The following TM9SF2 variants were observed in gnomAD, a reference collection of about 807,000 sequenced individuals.
The protein encoded by TM9SF2 is transmembrane 9 superfamily member 2.
In TM9SF2, 13 loss-of-function variants were observed where a neutral mutation model predicts 84.9. The observed-to-expected ratio is 0.15, with a 90% CI of 0.10 to 0.24. The LOEUF (loss-of-function observed/expected upper bound fraction) is 0.24. Ranked by LOEUF, TM9SF2 falls within the 10% of genes least tolerant of loss-of-function variation. The probability of loss-of-function intolerance (pLI) is 1.00; values close to 1 mark genes in which losing one functional copy is unlikely to be tolerated. For synonymous variants in TM9SF2, 273 were observed against 285.8 expected (o/e 0.96, Z 0.45); for missense variants, 562 against 818.5 (o/e 0.69, Z 3.82).
chr13:99,538,792 A>G (rs1164133729), intron 6 of TM9SF2, among the ~76,000 whole-genome samples: 1 of 151,836 alleles, frequency 6.6e-6, no homozygotes, highest in Non-Finnish European at 1.5e-5. Flanking sequence ...CCGTGCCTGT[A>G]GGAGGCTGAA....
chr13:99,541,622 G>A lies in TM9SF2; in HGVS notation c.972G>A (p.Arg324=), dbSNP rs763243227. The part of the protein sequence containing the change: ...LSGMVAMIML[R]TLHKDIARYN... ...GAATGGTAGCTATGATTATGTTACG[G>A]ACACTGCACAAAGATATTGCTAGAT... is the stretch of plus-strand genomic sequence containing the variant. Residue 324 remains arginine (R), a synonymous_variant, in exon 9 of 17, where the codon CGG becomes CGA. Transcript: ENST00000376387. 4 of 1,613,274 alleles carry A rather than the reference G, an allele frequency of 2.5e-6. No individual in the cohort carries two copies. The South Asian group carries it at 3.3e-5, about 13-fold the overall frequency.
intron 13 of TM9SF2, among the ~76,000 whole-genome samples, chr13:99,552,933 G>A (rs1566573465): frequency 6.6e-6 from 1 of 152,212 alleles, no homozygotes; most frequent in Non-Finnish European, 1.5e-5. Flanking sequence ...CAGAGTAAGA[G>A]TAGCAAATGT....
chr13:99,521,334 G>A (rs532241186), intron 3 of TM9SF2, among the ~76,000 whole-genome samples: 1 of 152,188 alleles, frequency 6.6e-6, no homozygotes, highest in South Asian at 2.1e-4. Flanking sequence ...TCTCTACCAT[G>A]GGCATCTGTC....
chr13:99,524,232 G>A (rs1173257715), intron 3 of TM9SF2, among the ~76,000 whole-genome samples: 1 of 152,188 alleles, frequency 6.6e-6, no homozygotes. Context: ...GGTGCGAGGG[G>A]AGAAGCCAGG....
intron 4 of TM9SF2, among the ~76,000 whole-genome samples, chr13:99,536,332 A>G (rs907066563): frequency 6.6e-6 from 1 of 151,382 alleles, no homozygotes; most frequent in African/African-American, 2.4e-5. Flanking sequence ...AGGCTAGTCA[A>G]ATGAAGCAGT....
intron 16 of TM9SF2, among the ~76,000 whole-genome samples, chr13:99,562,342 C>T (rs764488111): frequency 1.3e-5 from 2 of 152,134 alleles, no homozygotes; most frequent in Non-Finnish European, 2.9e-5. Context: ...CATCTCATAC[C>T]TTAAAAAATT....
At chr13:99,555,457 A>G (rs1458137504) in intron 14 of TM9SF2, 79 bp from the exon 15 acceptor site, 8 of 1,102,776 alleles carry the variant, frequency 7.3e-6, no homozygotes, top group Non-Finnish European at 1.1e-5. Context: ...TTTCAGTTCA[A>G]GAAGAATGAA....
At chr13:99,544,306 G>T (rs1762404239) in intron 10 of TM9SF2, among the ~76,000 whole-genome samples, 1 of 149,250 alleles carries the variant, frequency 6.7e-6, no homozygotes, top group Non-Finnish European at 1.5e-5. Context: ...TTGCGCCACT[G>T]CACTCCAGCC....
intron 15 of TM9SF2, among the ~76,000 whole-genome samples, chr13:99,558,722 TTGTGTGTG>T (rs5806121): frequency 2.7e-5 from 4 of 150,884 alleles, no homozygotes; most frequent in African/African-American, 4.9e-5. Flanking sequence ...CTGTTGCATT[TTGTGTGTG>T]TGTGTGTGTG....
chr13:99,534,088 G>A (rs561720694), intron 4 of TM9SF2, among the ~76,000 whole-genome samples: 5 of 152,244 alleles, frequency 3.3e-5, no homozygotes, highest in African/African-American at 9.6e-5. Flanking sequence ...TACCAGCACT[G>A]GACACTTAAA....
At chr13:99,559,830 C>CTT (rs11402923) in intron 16 of TM9SF2, among the ~76,000 whole-genome samples, 3,162 of 139,208 alleles carry the variant, frequency 0.023, 57 homozygotes, top group Non-Finnish European at 0.035. Context: ...ACACACAGTC[C>CTT]TTTTTTTTTT....
At chr13:99,537,057 G>C (rs1376896300) in intron 5 of TM9SF2, among the ~76,000 whole-genome samples, 4 of 152,002 alleles carry the variant, frequency 2.6e-5, no homozygotes, top group African/African-American at 7.2e-5. Flanking sequence ...GTCAAAAAAG[G>C]CTTCATTATA....
At chr13:99,556,320 A>G (rs2046324408) in intron 15 of TM9SF2, among the ~76,000 whole-genome samples, 1 of 152,224 alleles carries the variant, frequency 6.6e-6, no homozygotes, top group Non-Finnish European at 1.5e-5. Flanking sequence ...GTGTTGCGCC[A>G]CCACCACCTC....
chr13:99,514,085 C>T (rs542240191), intron 1 of TM9SF2: 7 of 152,322 alleles, frequency 4.6e-5, no homozygotes, highest in African/African-American at 9.6e-5. Context: ...TTTTGGTCAA[C>T]GACAGACCAG....
intron 1 of TM9SF2, among the ~76,000 whole-genome samples, chr13:99,508,444 C>CACACACACACACACACA (rs1555339315): frequency 1.4e-5 from 2 of 143,512 alleles, no homozygotes; most frequent in African/African-American, 5.2e-5. Context: ...CACACACACA[C>CACACACACACACACACA]CCCAGAGATT....
At chr13:99,503,017 T>A (rs1452514213) in intron 1 of TM9SF2, among the ~76,000 whole-genome samples, 1 of 152,260 alleles carries the variant, frequency 6.6e-6, no homozygotes, top group East Asian at 1.9e-4. Context: ...ATTTAAGGTT[T>A]ACTCAAGTCT....
intron 12 of TM9SF2, among the ~76,000 whole-genome samples, chr13:99,551,831 G>A (rs1308605088): frequency 6.6e-6 from 1 of 152,122 alleles, no homozygotes; most frequent in Admixed American, 6.5e-5. Flanking sequence ...GTCACAGAAG[G>A]TAAAACCAAA....
At chr13:99,543,096 G>A (rs1422700555) in intron 9 of TM9SF2, among the ~76,000 whole-genome samples, 2 of 152,140 alleles carry the variant, frequency 1.3e-5, no homozygotes, top group Admixed American at 6.5e-5. Context: ...CCTTCACGAA[G>A]CTCACTGTTT....
rs748000556 is a variant in TM9SF2, at chr13:99,537,881, A to G, written c.716+18A>G. ...CCGAAAAGGTAATTATATTAATGAT[A>G]AAAAGTAAACAAGTATAAGTGAAAT... is the stretch of plus-strand genomic sequence containing the variant. On this transcript the variant is annotated intron_variant, in intron 6 of 16. Coordinates refer to ENST00000376387, the MANE Select transcript of TM9SF2 (RefSeq NM_004800.3). 1.3e-6 allele frequency: 2 copies of G among 1,596,700 alleles called. No homozygotes were observed. The highest frequency in any genetic ancestry group is 1.7e-6 in the Non-Finnish European group (2 of 1,175,620).
Sources: gnomAD v4.1 joint callset for allele counts (sites outside exome capture counted in the v4.1 genomes callset) on GRCh38, gnomAD v4.1.1 for gene constraint, MANE v1.5 for transcripts, NCBI Gene and HGNC (gene_info 2026-07-23, HGNC 2026-07-21) for gene names.